The following ARL13B variants were observed in gnomAD, a reference collection of about 807,000 sequenced individuals.
The protein encoded by ARL13B is ADP-ribosylation factor-like protein 13B.
Under a neutral mutation model 56.1 loss-of-function variants are expected in ARL13B, and 36 were observed. That is an observed-to-expected ratio of 0.64 (90% CI 0.49 to 0.85). The LOEUF is 0.85. Among genes scored for constraint, ARL13B ranks in the 40% least tolerant of loss-of-function variants. The pLI is 0.00. For synonymous variants in ARL13B, 178 were observed against 171.1 expected, an observed-to-expected ratio of 1.04 and a Z score of -0.32; for missense variants, 519 against 507.1, an observed-to-expected ratio of 1.02 and a Z score of -0.23.
chr3:94,029,331 TA>T (rs1559997685), intron 3 of ARL13B, among the ~76,000 whole-genome samples: 1,132 of 93,592 alleles, frequency 0.012, 31 homozygotes, highest in African/African-American at 0.043. Flanking sequence ...TATATATATA[TA>T]TATTTATTTT....
At chr3:94,021,304 C>G (rs994842046) in intron 3 of ARL13B, among the ~76,000 whole-genome samples, 7 of 151,676 alleles carry the variant, frequency 4.6e-5, no homozygotes, top group South Asian at 2.1e-4. Context: ...AAGCGATTCT[C>G]CTGCGTCAGC....
At chr3:94,029,325 TATATATA>T (rs1559997591) in intron 3 of ARL13B, among the ~76,000 whole-genome samples, 11 of 101,998 alleles carry the variant, frequency 1.1e-4, no homozygotes, top group African/African-American at 4.3e-4. Context: ...TATATATATA[TATATATA>T]TATTTATTTT....
At chr3:94,009,683 A>G (rs1014222891) in intron 3 of ARL13B, among the ~76,000 whole-genome samples, 4 of 152,170 alleles carry the variant, frequency 2.6e-5, no homozygotes, top group East Asian at 1.9e-4. Context: ...TATAAGGTCT[A>G]TTGGCTTAAG....
intron 3 of ARL13B, among the ~76,000 whole-genome samples, chr3:94,021,199 T>A (rs1559991001): frequency 6.7e-6 from 1 of 148,886 alleles, no homozygotes; most frequent in Admixed American, 6.7e-5. Context: ...TATATATATA[T>A]AATTTTTTTT....
chr3:94,035,277 A>T, intron 3 of ARL13B, 54 bp from the exon 4 acceptor site: 1 of 1,168,380 alleles, frequency 8.6e-7, no homozygotes, highest in South Asian at 1.3e-5. Flanking sequence ...AATATCTTTA[A>T]GTTTCCATCC....
chr3:94,000,041 CCTTTT>C (rs2076028043), intron 2 of ARL13B, among the ~76,000 whole-genome samples: 1 of 152,156 alleles, frequency 6.6e-6, no homozygotes, highest in Admixed American at 6.6e-5. Context: ...AGGCCATCCT[CCTTTT>C]CTTTAGGAGC....
intron 3 of ARL13B, among the ~76,000 whole-genome samples, chr3:94,034,639 C>A (rs2076735910): frequency 6.6e-6 from 1 of 151,654 alleles, no homozygotes. Flanking sequence ...ATTAAAAGTT[C>A]AGAATGAATA....
Position 93,999,139 on chromosome 3 carries a change from C to G in ARL13B, c.130+3195C>G, listed in dbSNP as rs114864062. Among the ~76,000 whole-genome samples the G allele has an allele frequency of 6.9e-3, 1,049 of 151,802 alleles. 9 individuals are homozygous for G. Among genetic ancestry groups the G allele is most frequent in the African/African-American group, 0.024 (986 of 41,414 alleles). On this transcript the variant is annotated intron_variant, in intron 2 of 9. Transcript: ENST00000394222. ...TAATTTTTTATAGAGGTGAGTCTCA[C>G]TATGTTGCCCAGGATGGTCTTGAAC...
Position 94,053,230 on chromosome 3 carries a change from A to T in ARL13B, c.1254A>T (p.Arg418=). ...TGCCTCCCCTGGCTGTGCCACAGCG[A>T]CCTAACAGTGATGCTCATGATGTGA... is the stretch of plus-strand genomic sequence containing the variant. ...KPLPPLAVPQ[R]PNSDAHDVIS The change falls in exon 10 of 10, where the codon CGA becomes CGT. Residue 418 remains arginine, a synonymous_variant. Transcript: ENST00000394222. 1.2e-6 allele frequency: 2 copies of T among 1,613,388 alleles called. No homozygotes were observed. Among genetic ancestry groups the T allele is most frequent in the Non-Finnish European group, 1.7e-6 (2 of 1,179,760 alleles).
chr3:94,014,920 T>C, intron 3 of ARL13B: 1 of 1,613,434 alleles, frequency 6.2e-7, no homozygotes, highest in Non-Finnish European at 8.5e-7. Flanking sequence ...CTCTGACTTT[T>C]TAACTTCTTT....
chr3:94,012,974 T>C (rs1344746672), intron 3 of ARL13B, among the ~76,000 whole-genome samples: 2 of 152,206 alleles, frequency 1.3e-5, no homozygotes, highest in Non-Finnish European at 2.9e-5. Context: ...TTGTGTGAAC[T>C]TCAGACTTCT....
At chr3:94,014,161 G>T (rs1378769793) in intron 3 of ARL13B, among the ~76,000 whole-genome samples, 2 of 152,130 alleles carry the variant, frequency 1.3e-5, no homozygotes, top group African/African-American at 4.8e-5. Flanking sequence ...TGAGTTGATG[G>T]TAACTGTATT....
At chr3:94,050,756 G>C in intron 8 of ARL13B, 68 bp from the exon 9 acceptor site, 1 of 1,301,556 alleles carries the variant, frequency 7.7e-7, no homozygotes, top group Non-Finnish European at 1.1e-6. Flanking sequence ...TCCAGGGAGG[G>C]ATCCTCTCAA....
chr3:94,019,018 G>C (rs919871485), intron 3 of ARL13B, among the ~76,000 whole-genome samples: 1 of 152,182 alleles, frequency 6.6e-6, no homozygotes, highest in African/African-American at 2.4e-5. Context: ...CGCCCTCTTC[G>C]GCCTCCCAAA....
intron 6 of ARL13B, among the ~76,000 whole-genome samples, chr3:94,040,775 G>A (rs1225484986): frequency 6.6e-6 from 1 of 151,858 alleles, no homozygotes; most frequent in Non-Finnish European, 1.5e-5. Flanking sequence ...GAGAGAAGAG[G>A]TCAAGTTGTA....
chr3:94,019,004 G>A (rs948762474), intron 3 of ARL13B, among the ~76,000 whole-genome samples: 3 of 152,126 alleles, frequency 2.0e-5, no homozygotes, highest in African/African-American at 7.2e-5. Flanking sequence ...GATCTCAGGC[G>A]ATCCGCCCTC....
chr3:93,980,452 G>T lies in ARL13B; in HGVS notation c.29G>T (p.Gly10Val). ...TTCAGTCTGATGGCCAGTTGCTGCGGCTGGTTCAAGCGGTGGCGGGAGCCT... is the reference window on the plus strand; with the variant it reads ...TTCAGTCTGATGGCCAGTTGCTGCGTCTGGTTCAAGCGGTGGCGGGAGCCT... MFSLMASCC[G>V]WFKRWREPVR... Residue 10 changes from glycine (G) to valine (V), a missense_variant, in exon 1 of 10, where the codon GGC (glycine) becomes GTC (valine). Transcript: ENST00000394222. 6.2e-7 allele frequency: 1 copy of T among 1,612,468 alleles called. No individual in the cohort carries two copies. Among genetic ancestry groups the T allele is most frequent in the Non-Finnish European group, 8.5e-7 (1 of 1,179,988 alleles).
Position 94,019,557 on chromosome 3 carries a change from C to G in ARL13B, c.380+15649C>G, listed in dbSNP as rs1299477756. Reference sequence around the variant, plus strand: ...GTCTCCTAAGTGTTCTCCTTGTTTCCTTTTTGCACCAACTACCCCCCATCC... The same window carrying G: ...GTCTCCTAAGTGTTCTCCTTGTTTCGTTTTTGCACCAACTACCCCCCATCC... On this transcript the variant is annotated intron_variant, in intron 3 of 9. Coordinates refer to ENST00000394222, the MANE Select transcript of ARL13B (RefSeq NM_001174150.2). 2.6e-5 allele frequency among the ~76,000 whole-genome samples: 4 copies of G among 152,058 alleles called. No homozygotes were observed. In the East Asian group the frequency reaches 5.8e-4, roughly 22 times the overall value.
intron 3 of ARL13B, among the ~76,000 whole-genome samples, chr3:94,021,889 T>C (rs550734646): frequency 6.6e-6 from 1 of 152,274 alleles, no homozygotes; most frequent in African/African-American, 2.4e-5. Context: ...AAAAATGTTA[T>C]TTTTTCCCTC....
Sources: allele counts gnomAD v4.1 joint callset (sites outside exome capture counted in the v4.1 genomes callset), GRCh38; gene constraint gnomAD v4.1.1; transcripts MANE v1.5; gene names NCBI Gene and HGNC (gene_info 2026-07-23, HGNC 2026-07-21).